The following GLRA2 variants were observed in gnomAD, a reference collection of about 807,000 sequenced individuals.
GLRA2 encodes the protein glycine receptor subunit alpha-2.
Under a neutral mutation model 31.6 loss-of-function variants are expected in GLRA2, and 11 were observed. The ratio of observed to expected loss-of-function variants is 0.35; its 90% CI spans 0.22 to 0.58. The LOEUF is 0.58. GLRA2 is among the 20% of genes least tolerant of loss of function. GLRA2 has a pLI of 0.84. For synonymous variants in GLRA2, 132 were observed against 134.0 expected, an observed-to-expected ratio of 0.99 and a Z score of 0.10; for missense variants, 212 against 351.8, an observed-to-expected ratio of 0.60 and a Z score of 3.18.
the GLRA2 span, among the ~76,000 whole-genome samples, chrX:14,459,693 G>A: frequency 2.7e-5 from 3 of 111,625 alleles, no homozygotes; most frequent in Non-Finnish European, 1.9e-5. Flanking sequence ...TTGGTGTATA[G>A]GAATGCTTGT....
At chrX:14,639,838 A>G (rs999925547) in intron 7 of GLRA2, among the ~76,000 whole-genome samples, 3 of 112,390 alleles carry the variant, frequency 2.7e-5, no homozygotes, top group African/African-American at 9.7e-5. Flanking sequence ...ATATTTAAAA[A>G]CTTTATTACT....
the GLRA2 span, among the ~76,000 whole-genome samples, chrX:14,479,850 GT>G: frequency 9.0e-6 from 1 of 111,279 alleles, no homozygotes; most frequent in African/African-American, 3.3e-5. Context: ...TACACATGTT[GT>G]TTTGGTAGAA....
intron 8 of GLRA2, among the ~76,000 whole-genome samples, chrX:14,719,519 G>A (rs935152080): frequency 9.0e-6 from 1 of 111,698 alleles, no homozygotes; most frequent in East Asian, 2.8e-4. Context: ...TCTCACCCCA[G>A]TTAGAATAGC....
Position 14,671,447 on chromosome X carries a change from T to A in GLRA2, c.931-19263T>A, listed in dbSNP as rs759545596. On this transcript the variant is annotated intron_variant, in intron 7 of 8. Transcript: ENST00000218075. ...AAAGAGAAAAGGCAAACAAGTGTAT[T>A]ATTGAGTTGGTTACCATGAGGGACA... is the stretch of plus-strand genomic sequence containing the variant. 2.2e-3 allele frequency among the ~76,000 whole-genome samples: 243 copies of A among 112,164 alleles called. 2 individuals are homozygous for A. Among genetic ancestry groups the A allele is most frequent in the African/African-American group, 7.1e-3 (219 of 30,866 alleles).
chrX:14,580,882 T>C (rs1449739574), intron 3 of GLRA2, among the ~76,000 whole-genome samples: 1 of 111,629 alleles, frequency 9.0e-6, no homozygotes, highest in African/African-American at 3.3e-5. Context: ...GTTTACCTTT[T>C]TCTGTAGCAA....
At chrX:14,623,993 T>C (rs907087972) in intron 7 of GLRA2, among the ~76,000 whole-genome samples, 2 of 111,560 alleles carry the variant, frequency 1.8e-5, no homozygotes, top group Admixed American at 9.5e-5. Context: ...CTTTTTTTGG[T>C]TAGTAGGCTA....
At chrX:14,553,692 C>T (rs186857968) in intron 2 of GLRA2, among the ~76,000 whole-genome samples, 53 of 111,592 alleles carry the variant, frequency 4.7e-4, no homozygotes, top group Admixed American at 1.4e-3. Context: ...ATTTTGCCCA[C>T]CCTTGTGGCA....
intron 7 of GLRA2, among the ~76,000 whole-genome samples, chrX:14,632,982 G>A (rs922679458): frequency 9.0e-6 from 1 of 111,373 alleles, no homozygotes; most frequent in Non-Finnish European, 1.9e-5. Flanking sequence ...AAGCCATAAG[G>A]TCTCTGTCAC....
upstream of GLRA2, among the ~76,000 whole-genome samples, chrX:14,528,954 C>T (rs1007202671): frequency 3.6e-5 from 4 of 111,531 alleles, no homozygotes; most frequent in African/African-American, 1.3e-4. Flanking sequence ...TCCTTTGGGA[C>T]TAGGCGGCTA....
rs183813372 is a variant in GLRA2, at chrX:14,629,365, C to T, written c.930+20160C>T. 2.7e-5 allele frequency among the ~76,000 whole-genome samples: 3 copies of T among 111,718 alleles called. No homozygotes were observed. The East Asian group carries it at 8.6e-4, about 32-fold the overall frequency. ...CAATTAGTGTCATTAGGTACCGAAG[C>T]ATACTTCCCCATTTAGGGCTATTGT... On this transcript the variant is annotated intron_variant, in intron 7 of 8. Transcript: ENST00000218075.
chrX:14,606,375 C>T (rs1057333713), intron 5 of GLRA2, among the ~76,000 whole-genome samples: 7 of 111,059 alleles, frequency 6.3e-5, no homozygotes, highest in African/African-American at 2.3e-4. Context: ...TAAGAGCTAA[C>T]TTTGGATTAC....
At chrX:14,467,598 T>A in the GLRA2 span, among the ~76,000 whole-genome samples, 10 of 112,206 alleles carry the variant, frequency 8.9e-5, no homozygotes, top group African/African-American at 3.2e-4. Flanking sequence ...AATACTTTAT[T>A]ACCACCAGGA....
chrX:14,571,721 CT>C (rs1277737022), intron 2 of GLRA2, among the ~76,000 whole-genome samples: 1 of 110,730 alleles, frequency 9.0e-6, no homozygotes, highest in East Asian at 2.8e-4. Flanking sequence ...CATCAAAAAA[CT>C]TTTTTTCTTT....
intron 2 of GLRA2, among the ~76,000 whole-genome samples, chrX:14,553,044 A>G (rs759828329): frequency 8.9e-6 from 1 of 112,097 alleles, no homozygotes; most frequent in East Asian, 2.8e-4. Flanking sequence ...CTCAACTATG[A>G]TGAATGAGAG....
intron 7 of GLRA2, among the ~76,000 whole-genome samples, chrX:14,635,825 G>A (rs934517727): frequency 1.8e-5 from 2 of 111,129 alleles, no homozygotes; most frequent in Non-Finnish European, 3.8e-5. Context: ...AGAAATTTTG[G>A]GTACTGTATA....
chrX:14,491,427 AGATT>A, the GLRA2 span, among the ~76,000 whole-genome samples: 1 of 111,820 alleles, frequency 8.9e-6, no homozygotes, highest in Non-Finnish European at 1.9e-5. Flanking sequence ...AAAGAGTAAT[AGATT>A]AACACTCAGT....
At chrX:14,648,723 A>AT (rs1180060086) in intron 7 of GLRA2, among the ~76,000 whole-genome samples, 2 of 111,671 alleles carry the variant, frequency 1.8e-5, no homozygotes, top group Non-Finnish European at 3.8e-5. Flanking sequence ...TTTAACTTAA[A>AT]TTTAACAATT....
chrX:14,679,595 G>A (rs954463277), intron 7 of GLRA2, among the ~76,000 whole-genome samples: 1 of 110,348 alleles, frequency 9.1e-6, no homozygotes, highest in Admixed American at 9.7e-5. Context: ...TTAACTCCCA[G>A]GTGCCCAGCA....
At chrX:14,513,083 A>G in the GLRA2 span, among the ~76,000 whole-genome samples, 2 of 111,957 alleles carry the variant, frequency 1.8e-5, no homozygotes, top group African/African-American at 6.5e-5. Context: ...AGACCAATGC[A>G]ACAGAATAGA....
Sources: gnomAD v4.1 joint callset for allele counts (sites outside exome capture counted in the v4.1 genomes callset) on GRCh38, gnomAD v4.1.1 for gene constraint, MANE v1.5 for transcripts, NCBI Gene and HGNC (gene_info 2026-07-23, HGNC 2026-07-21) for gene names.